SLC4A4: variants seen among roughly 807,000 people sequenced by gnomAD.
SLC4A4 encodes electrogenic sodium bicarbonate cotransporter 1.
A neutral mutation model predicts 111.5 loss-of-function variants in SLC4A4; 27 were observed. That is an observed-to-expected ratio of 0.24 (90% CI 0.18 to 0.33). The LOEUF is 0.33. SLC4A4 is among the 10% of genes least tolerant of loss of function. The pLI, the probability that SLC4A4 is intolerant of heterozygous loss-of-function variation, is 1.00. For synonymous variants in SLC4A4, 443 were observed against 463.4 expected, an observed-to-expected ratio of 0.96 and a Z score of 0.57; for missense variants, 909 against 1,315.5, an observed-to-expected ratio of 0.69 and a Z score of 4.78.
At chr4:71,096,034 T>C (rs1402837384) in intron 2 of SLC4A4, among the ~76,000 whole-genome samples, 2 of 152,120 alleles carry the variant, frequency 1.3e-5, no homozygotes, top group Admixed American at 6.6e-5. Context: ...GATTTTTGTC[T>C]CCTTTTCTCC....
chr4:71,302,133 C>T (rs1194180375), intron 3 of SLC4A4, among the ~76,000 whole-genome samples: 2 of 152,060 alleles, frequency 1.3e-5, no homozygotes, highest in Non-Finnish European at 2.9e-5. Flanking sequence ...ATTTAGTCTT[C>T]TGAGCTTTGG....
chr4:71,349,004 T>C (rs1729576554), intron 4 of SLC4A4, among the ~76,000 whole-genome samples: 1 of 152,260 alleles, frequency 6.6e-6, no homozygotes, highest in Non-Finnish European at 1.5e-5. Context: ...AGTATCATGA[T>C]GAATAGCAAA....
intron 2 of SLC4A4, among the ~76,000 whole-genome samples, chr4:71,250,045 AT>A (rs35291319): frequency 1.3e-4 from 19 of 151,354 alleles, no homozygotes; most frequent in African/African-American, 4.4e-4. Context: ...TTTAACTGAG[AT>A]TTTTTTTTGG....
At chr4:71,338,906 A>G in intron 3 of SLC4A4, 1 of 365,102 alleles carries the variant, frequency 2.7e-6, no homozygotes, top group South Asian at 2.5e-5. Context: ...AGCTTTAGGC[A>G]TTGGACAGAG....
intron 3 of SLC4A4, among the ~76,000 whole-genome samples, chr4:71,259,711 C>G (rs1202286455): frequency 6.6e-6 from 1 of 152,004 alleles, no homozygotes; most frequent in Non-Finnish European, 1.5e-5. Context: ...GTGGTCCTGG[C>G]TGAGATAGGC....
intron 14 of SLC4A4, among the ~76,000 whole-genome samples, chr4:71,484,892 C>CTTTT (rs1729230160): frequency 6.6e-6 from 1 of 151,566 alleles, no homozygotes; most frequent in South Asian, 2.1e-4. Context: ...GCTGTATTCC[C>CTTTT]TAGGCATTTA....
chr4:71,255,467 T>G, intron 3 of SLC4A4, 68 bp downstream of exon 3: 1 of 1,501,168 alleles, frequency 6.7e-7, no homozygotes, highest in South Asian at 1.1e-5. Flanking sequence ...GGACACCTTT[T>G]TGAATCTTGT....
intron 1 of SLC4A4, among the ~76,000 whole-genome samples, chr4:71,074,967 T>C (rs1248318704): frequency 1.3e-5 from 2 of 152,158 alleles, no homozygotes; most frequent in Non-Finnish European, 2.9e-5. Flanking sequence ...CTTTGTTCAT[T>C]AGAGTAAAAG....
intron 1 of SLC4A4, among the ~76,000 whole-genome samples, chr4:71,228,844 G>T (rs1039637354): frequency 6.6e-6 from 1 of 152,156 alleles, no homozygotes. Flanking sequence ...TTTACAAAGA[G>T]GTAGTATAAT....
At chr4:71,122,594 G>A (rs1268885454) in intron 2 of SLC4A4, among the ~76,000 whole-genome samples, 1 of 151,870 alleles carries the variant, frequency 6.6e-6, no homozygotes. Flanking sequence ...AAAAAAAAAA[G>A]AGTAGAGGTG....
At chr4:71,250,712 A>G (rs1721004006) in intron 2 of SLC4A4, among the ~76,000 whole-genome samples, 1 of 152,190 alleles carries the variant, frequency 6.6e-6, no homozygotes, top group South Asian at 2.1e-4. Flanking sequence ...TCTTGTTAGC[A>G]GCCAATGAGG....
chr4:71,558,833 A>G (rs1302678981), intron 22 of SLC4A4, among the ~76,000 whole-genome samples: 1 of 151,804 alleles, frequency 6.6e-6, no homozygotes, highest in Non-Finnish European at 1.5e-5. Flanking sequence ...TTTTTTCTTA[A>G]TGGTGGCTTA....
intron 13 of SLC4A4, among the ~76,000 whole-genome samples, chr4:71,468,786 A>G (rs187209238): frequency 9.2e-5 from 14 of 151,390 alleles, no homozygotes; most frequent in Non-Finnish European, 1.8e-4. Context: ...GCTGTATACT[A>G]TATACCCCCC....
chr4:71,495,406 T>G (rs570944074), intron 15 of SLC4A4, among the ~76,000 whole-genome samples: 2 of 152,254 alleles, frequency 1.3e-5, no homozygotes, highest in African/African-American at 4.8e-5. Context: ...AAACTTTAAA[T>G]GTATGCTGCT....
chr4:71,134,359 T>C (rs1743789047), intron 2 of SLC4A4, among the ~76,000 whole-genome samples: 1 of 152,238 alleles, frequency 6.6e-6, no homozygotes, highest in Admixed American at 6.5e-5. Context: ...TATCATGCCA[T>C]CCATCCATGT....
At chr4:71,075,393 T>A (rs1350548204) in intron 1 of SLC4A4, among the ~76,000 whole-genome samples, 2 of 152,180 alleles carry the variant, frequency 1.3e-5, no homozygotes, top group African/African-American at 2.4e-5. Flanking sequence ...ATCCTATTTT[T>A]TGTCTCTCAT....
chr4:71,481,612 C>T (rs758627627), intron 14 of SLC4A4, among the ~76,000 whole-genome samples: 2 of 151,722 alleles, frequency 1.3e-5, no homozygotes, highest in African/African-American at 4.8e-5. Flanking sequence ...TATTGGAATG[C>T]TAAGCTTGTG....
intron 2 of SLC4A4, among the ~76,000 whole-genome samples, chr4:71,103,124 G>C (rs1449602690): frequency 6.6e-6 from 1 of 151,912 alleles, no homozygotes; most frequent in Non-Finnish European, 1.5e-5. Flanking sequence ...TGCAATCCTA[G>C]TTTCTGATAA....
chr4:71,288,991 C>T (rs541141050), intron 3 of SLC4A4, among the ~76,000 whole-genome samples: 1 of 152,256 alleles, frequency 6.6e-6, no homozygotes, highest in African/African-American at 2.4e-5. Context: ...GCTGGAATTA[C>T]ATTCTAGGTT....
Sources: gnomAD v4.1 joint callset for allele counts (sites outside exome capture counted in the v4.1 genomes callset) on GRCh38, gnomAD v4.1.1 for gene constraint, MANE v1.5 for transcripts, NCBI Gene and HGNC (gene_info 2026-07-23, HGNC 2026-07-21) for gene names.